Variants in DTWD2 observed in about 807,000 individuals in gnomAD.
DTWD2 encodes DTW motif tRNA-uridine aminocarboxypropyltransferase 2, also known as tRNA-uridine aminocarboxypropyltransferase 2.
DTWD2 carries 39 observed loss-of-function variants against 31.8 expected under a neutral mutation model. The observed-to-expected ratio is 1.22, with a 90% confidence interval of 0.95 to 1.60. The LOEUF is 1.60. Among genes scored for constraint, DTWD2 ranks in the 40% most tolerant of loss-of-function variants. The pLI is 0.00. For missense variants in DTWD2, 515 were observed against 381.5 expected (o/e 1.35, Z -2.92); for synonymous variants, 180 against 142.8 (o/e 1.26, Z -1.86).
At chr5:118,871,261 T>C (rs1474923616) in intron 4 of DTWD2, among the ~76,000 whole-genome samples, 1 of 152,238 alleles carries the variant, frequency 6.6e-6, no homozygotes, top group Non-Finnish European at 1.5e-5. Context: ...ACTGAAGTCT[T>C]GAACCCCTCA....
chr5:118,863,734 C>A (rs1227614198), intron 4 of DTWD2, among the ~76,000 whole-genome samples: 2 of 152,206 alleles, frequency 1.3e-5, no homozygotes, highest in East Asian at 1.9e-4. Context: ...AGATCCAGAG[C>A]CCTAATATTG....
At chr5:118,910,189 T>C (rs1461773482) in intron 4 of DTWD2, among the ~76,000 whole-genome samples, 1 of 152,240 alleles carries the variant, frequency 6.6e-6, no homozygotes, top group African/African-American at 2.4e-5. Flanking sequence ...CTTTTGATTA[T>C]AAATTCCATC....
intron 1 of DTWD2, among the ~76,000 whole-genome samples, chr5:118,957,177 G>A (rs1322726314): frequency 4.0e-5 from 6 of 151,826 alleles, no homozygotes; most frequent in Non-Finnish European, 1.5e-5. Context: ...TCTTATAACT[G>A]GCTTTAGGAG....
At chr5:118,973,857 A>G (rs1261132500) in intron 1 of DTWD2, 3 of 1,612,316 alleles carry the variant, frequency 1.9e-6, no homozygotes, top group African/African-American at 1.3e-5. Flanking sequence ...CAGGAGAAGA[A>G]GGAAGTTGTG....
chr5:118,853,956 T>G (rs1004507184), intron 4 of DTWD2, among the ~76,000 whole-genome samples: 1 of 152,202 alleles, frequency 6.6e-6, no homozygotes, highest in Non-Finnish European at 1.5e-5. Flanking sequence ...AGGGACTGTT[T>G]AAGAAGGTTA....
chr5:118,895,625 T>C (rs1049427896), intron 4 of DTWD2, among the ~76,000 whole-genome samples: 1 of 152,160 alleles, frequency 6.6e-6, no homozygotes, highest in Non-Finnish European at 1.5e-5. Context: ...TATAAAGCTA[T>C]AGCAACCAAA....
At chr5:118,934,354 G>A (rs1403206910) in intron 3 of DTWD2, among the ~76,000 whole-genome samples, 1 of 123,450 alleles carries the variant, frequency 8.1e-6, no homozygotes, top group Non-Finnish European at 1.7e-5. Flanking sequence ...TGCAAAAATA[G>A]TACAGAGAAT....
At chr5:118,961,057 T>C (rs1369348967) in intron 1 of DTWD2, among the ~76,000 whole-genome samples, 2 of 132,582 alleles carry the variant, frequency 1.5e-5, no homozygotes, top group Non-Finnish European at 3.1e-5. Flanking sequence ...AACCTGCACA[T>C]GTACCCCCAA....
chr5:118,972,829 T>A lies in DTWD2; in HGVS notation c.218+15465A>T, dbSNP rs116193478. 3.2e-3 allele frequency among the ~76,000 whole-genome samples: 492 copies of A among 152,316 alleles called. 2 individuals are homozygous for A. The highest frequency in any genetic ancestry group is 0.012 in the African/African-American group (482 of 41,574). The stretch of plus-strand genomic sequence containing the variant: ...CCAAGGTTGGTTCAACATACGTGAA[T>A]CCATAAGTGTAATTCACCGCATAAA... On this transcript the variant is annotated intron_variant, in intron 1 of 5. Transcript: ENST00000510708.
chr5:118,988,300 C>G lies in DTWD2; in HGVS notation c.212G>C (p.Arg71Pro). The G allele has an allele frequency of 6.6e-7, 1 of 1,522,746 alleles. No homozygotes were observed. The highest frequency in any genetic ancestry group is 1.4e-5 in the African/African-American group (1 of 71,812). 94.3% of individuals were successfully genotyped at this position (1,522,746 alleles called of 1,614,324 possible). A position where few individuals can be genotyped will look rare whatever the true frequency, so the allele number is the denominator to read the frequency against. The change falls in exon 1 of 6, where the codon CGC (arginine) becomes CCC (proline). Residue 71 changes from arginine to proline, a missense_variant. Transcript: ENST00000510708. Reference sequence around the variant, plus strand: ...CCCCCAGCCCCGCGGTCACCTGCAGCGGGTGCACTCAGGCCTCCGCTCGGC... The same window carrying G: ...CCCCCAGCCCCGCGGTCACCTGCAGGGGGTGCACTCAGGCCTCCGCTCGGC... ...EPAERRPECT[R>P]CSRPQKVCLC...
chr5:118,843,738 G>A (rs979879845), intron 5 of DTWD2, among the ~76,000 whole-genome samples: 6 of 152,184 alleles, frequency 3.9e-5, no homozygotes, highest in Non-Finnish European at 7.3e-5. Flanking sequence ...AATTTACTGA[G>A]GTAATGAAGA....
intron 1 of DTWD2, among the ~76,000 whole-genome samples, chr5:118,983,140 G>T (rs60895854): frequency 0.029 from 4,345 of 152,198 alleles, 208 homozygotes; most frequent in African/African-American, 0.1. Flanking sequence ...ATGATGTACA[G>T]GAGACCCAGA....
chr5:118,848,320 G>C (rs1751909874), intron 4 of DTWD2, 102 bp from the exon 5 acceptor site: 1 of 1,038,470 alleles, frequency 9.6e-7, no homozygotes, highest in Non-Finnish European at 1.3e-6. Context: ...ACTGCCAGCA[G>C]CTTAGAAGTA....
intron 1 of DTWD2, among the ~76,000 whole-genome samples, chr5:118,977,377 G>A (rs1457593521): frequency 2.6e-5 from 4 of 152,304 alleles, no homozygotes; most frequent in Non-Finnish European, 4.4e-5. Context: ...TATTCAAATA[G>A]GAAGAGAGGA....
intron 2 of DTWD2, 70 bp downstream of exon 2, chr5:118,944,489 A>T (rs1259283250): frequency 7.0e-7 from 1 of 1,436,678 alleles, no homozygotes; most frequent in East Asian, 2.3e-5. Context: ...AAGGATAAGT[A>T]TGTTTATCTT....
At chr5:118,875,210 A>C (rs560461595) in intron 4 of DTWD2, among the ~76,000 whole-genome samples, 1 of 152,312 alleles carries the variant, frequency 6.6e-6, no homozygotes, top group South Asian at 2.1e-4. Flanking sequence ...GGAAGCACTA[A>C]ATATGGAAAG....
intron 4 of DTWD2, among the ~76,000 whole-genome samples, chr5:118,879,038 G>GA (rs1752681966): frequency 2.6e-5 from 4 of 152,078 alleles, no homozygotes. Flanking sequence ...ACACTGTTGG[G>GA]GGGCTGTAAA....
intron 2 of DTWD2, among the ~76,000 whole-genome samples, chr5:118,942,977 A>G (rs1175661915): frequency 6.6e-6 from 1 of 151,512 alleles, no homozygotes; most frequent in Non-Finnish European, 1.5e-5. Flanking sequence ...TAATTTTTTT[A>G]TTTGTTTATA....
At chr5:118,985,614 G>A (rs574548991) in intron 1 of DTWD2, among the ~76,000 whole-genome samples, 45 of 150,804 alleles carry the variant, frequency 3.0e-4, no homozygotes, top group Admixed American at 2.1e-3. Context: ...ACTACTTGGT[G>A]AACATGCATC....
Sources: allele counts gnomAD v4.1 joint callset (sites outside exome capture counted in the v4.1 genomes callset), GRCh38; gene constraint gnomAD v4.1.1; transcripts MANE v1.5; gene names NCBI Gene and HGNC (gene_info 2026-07-23, HGNC 2026-07-21).